The following WIPF2 variants were observed in gnomAD, a reference collection of about 807,000 sequenced individuals.
WIPF2 encodes the protein WAS/WASL interacting protein family member 2, also known as WAS/WASL-interacting protein family member 2.
Under a neutral mutation model 38.8 loss-of-function variants are expected in WIPF2, and 23 were observed. The observed-to-expected ratio is 0.59, with a 90% CI of 0.43 to 0.84. The LOEUF (loss-of-function observed/expected upper bound fraction) is 0.84. Among genes scored for constraint, WIPF2 ranks in the 40% least tolerant of loss-of-function variants. WIPF2 has a pLI of 0.00. For synonymous variants in WIPF2, 210 were observed against 223.2 expected, an observed-to-expected ratio of 0.94 and a Z score of 0.53; for missense variants, 574 against 580.5, an observed-to-expected ratio of 0.99 and a Z score of 0.11.
intron 2 of WIPF2, among the ~76,000 whole-genome samples, chr17:40,259,376 A>G (rs369305695): frequency 2.0e-5 from 3 of 151,372 alleles, no homozygotes; most frequent in East Asian, 3.9e-4. Context: ...TGGAGCTTGC[A>G]GTGAGCCGAG....
intron 5 of WIPF2, among the ~76,000 whole-genome samples, chr17:40,273,099 T>G (rs930705894): frequency 1.3e-5 from 2 of 152,078 alleles, no homozygotes; most frequent in African/African-American, 4.8e-5. Context: ...AGTGGCACAA[T>G]CTGGGCTCAC....
At chr17:40,239,350 C>T (rs571505792) in intron 1 of WIPF2, among the ~76,000 whole-genome samples, 2 of 152,046 alleles carry the variant, frequency 1.3e-5, no homozygotes, top group African/African-American at 4.8e-5. Context: ...GGATTACAGG[C>T]GTGATCCACT....
rs2032535020 is a variant in WIPF2, at chr17:40,281,019, T to A, written c.*2794T>A. ...TGCATAGTTATCAGTCTATTTTGTATGTTGTAAAAAGCTTCTAATTTAGGT... is the reference window on the plus strand; with the variant it reads ...TGCATAGTTATCAGTCTATTTTGTAAGTTGTAAAAAGCTTCTAATTTAGGT... On this transcript the variant is annotated 3_prime_UTR_variant, in exon 8 of 8. Coordinates refer to ENST00000323571, the MANE Select transcript of WIPF2 (RefSeq NM_133264.5). The A allele has an allele frequency of 6.6e-6, 1 of 152,664 alleles. No individual in the cohort carries two copies. The highest frequency in any genetic ancestry group is 1.5e-5 in the Non-Finnish European group (1 of 68,048). The allele number at this position is 152,664 out of a possible 1,614,324, so 9.5% of individuals were successfully genotyped here.
In WIPF2 at chr17:40,271,796, A is replaced by G. The variant is rs1057382261; in HGVS notation, c.971-1994A>G. ...ATTTAATACACCGAAAATGCCTGGA[A>G]CATAATAGATACCCAATAAATGGTA... On this transcript the variant is annotated intron_variant, in intron 5 of 7. Coordinates refer to ENST00000323571, the MANE Select transcript of WIPF2 (RefSeq NM_133264.5). 1.3e-5 allele frequency among the ~76,000 whole-genome samples: 2 copies of G among 152,218 alleles called. 1 individual carries two copies. The highest frequency in any genetic ancestry group is 2.9e-5 in the Non-Finnish European group (2 of 68,042).
At position 40,260,556 on chromosome 17, in the gene WIPF2, C is replaced by G. The variant is rs1251863444; in HGVS notation, c.85C>G (p.Leu29Val). 6.2e-7 allele frequency: 1 copy of G among 1,613,846 alleles called. No homozygotes were observed. ...CCAGGCAAACACAGAGCAGCCCAAG[C>G]TGAGTAGAGATGAGCAGCGGGGTCG... ...FHQANTEQPKLSRDEQRGRGA... is the reference protein window; with the variant it reads ...FHQANTEQPKVSRDEQRGRGA... The change falls in exon 3 of 8, where the codon CTG becomes GTG. Residue 29 changes from leucine to valine, a missense_variant. By Grantham distance (32) the Leu-to-Val change is conservative. Coordinates refer to ENST00000323571, the MANE Select transcript of WIPF2 (RefSeq NM_133264.5).
At chr17:40,240,228 A>T (rs2031140048) in intron 1 of WIPF2, among the ~76,000 whole-genome samples, 1 of 151,652 alleles carries the variant, frequency 6.6e-6, no homozygotes, top group African/African-American at 2.4e-5. Flanking sequence ...ACAATCGGCT[A>T]ATTTTTTTGT....
intron 1 of WIPF2, among the ~76,000 whole-genome samples, chr17:40,224,216 T>TTTTTC (rs1555558603): frequency 4.7e-5 from 7 of 149,874 alleles, no homozygotes; most frequent in African/African-American, 1.5e-4. Context: ...GCTTATTTTT[T>TTTTTC]TTTTCTTTTC....
At chr17:40,260,863 T>A (rs1431294618) in intron 3 of WIPF2, 196 bp downstream of exon 3, 1 of 740,196 alleles carries the variant, frequency 1.4e-6, no homozygotes, top group African/African-American at 1.8e-5. Flanking sequence ...GGATTAAGGT[T>A]ACCATCTCAC....
Position 40,281,860 on chromosome 17 carries a change from A to G in WIPF2, c.*3635A>G, listed in dbSNP as rs1003360626. 10 of 152,536 alleles carry G rather than the reference A, an allele frequency of 6.6e-5. No individual in the cohort carries two copies. The highest frequency in any genetic ancestry group is 2.4e-4 in the African/African-American group (10 of 41,400). 9.4% of individuals were successfully genotyped at this position (152,536 alleles called of 1,614,324 possible). A position where few individuals can be genotyped will look rare whatever the true frequency, so the allele number is the denominator to read the frequency against. ...ATCTGAGGCCCTATGATGGCACTAC[A>G]TTGAGCTGTCTGCCCTTCCGGAAAC... On this transcript the variant is annotated 3_prime_UTR_variant, in exon 8 of 8. Coordinates refer to ENST00000323571, the MANE Select transcript of WIPF2 (RefSeq NM_133264.5).
chr17:40,221,676 A>G (rs201747462), intron 1 of WIPF2, among the ~76,000 whole-genome samples: 24,193 of 24,312 alleles, frequency 1, 12,037 homozygotes, highest in Middle Eastern at 1. Flanking sequence ...TGCCTGCCGG[A>G]TTCAAGCGCT....
In WIPF2 at chr17:40,231,650, C is replaced by G. The variant is rs534541505; in HGVS notation, c.-70+12158C>G. ...ATCTTGGCCAGGCTGGTCTTGAACT[C>G]CTGACCTTGTGATCCACCCGCCTTG... is the stretch of plus-strand genomic sequence containing the variant. On this transcript the variant is annotated intron_variant, in intron 1 of 7. Coordinates refer to ENST00000323571, the MANE Select transcript of WIPF2 (RefSeq NM_133264.5). Among the ~76,000 whole-genome samples the G allele has an allele frequency of 7.2e-5, 11 of 152,136 alleles. No individual in the cohort carries two copies. The East Asian group carries it at 1.9e-3, about 27-fold the overall frequency.
chr17:40,234,160 A>C (rs1383750990), intron 1 of WIPF2, among the ~76,000 whole-genome samples: 1 of 152,234 alleles, frequency 6.6e-6, no homozygotes, highest in African/African-American at 2.4e-5. Context: ...CAAGGTAAGG[A>C]GATTGAGACC....
chr17:40,237,806 C>T (rs1252392765), intron 1 of WIPF2, among the ~76,000 whole-genome samples: 1 of 148,010 alleles, frequency 6.8e-6, no homozygotes, highest in East Asian at 2.0e-4. Context: ...CCACCACGCC[C>T]AGCTAATTTT....
chr17:40,240,649 T>TA (rs912567293), intron 1 of WIPF2, among the ~76,000 whole-genome samples: 5 of 151,056 alleles, frequency 3.3e-5, no homozygotes, highest in Admixed American at 6.6e-5. Context: ...TATGTCTTTA[T>TA]AAAAAAAAAT....
chr17:40,225,565 T>A (rs919851809), intron 1 of WIPF2, among the ~76,000 whole-genome samples: 10 of 152,186 alleles, frequency 6.6e-5, no homozygotes, highest in Non-Finnish European at 1.5e-4. Context: ...TATCCAACAA[T>A]GTGTTCTACT....
At chr17:40,262,365 G>A (rs945252458) in intron 3 of WIPF2, among the ~76,000 whole-genome samples, 160 bp from the exon 4 acceptor site, 5 of 152,164 alleles carry the variant, frequency 3.3e-5, no homozygotes, top group Admixed American at 6.5e-5. Context: ...TTAGCAGCAT[G>A]AGCCACTGTA....
At chr17:40,254,674 C>T (rs2031664388) in intron 1 of WIPF2, among the ~76,000 whole-genome samples, 1 of 152,000 alleles carries the variant, frequency 6.6e-6, no homozygotes, top group Non-Finnish European at 1.5e-5. Flanking sequence ...TAAACTGTGG[C>T]CCATAAGTCA....
intron 1 of WIPF2, among the ~76,000 whole-genome samples, chr17:40,249,998 A>T (rs1280764919): frequency 6.6e-6 from 1 of 150,472 alleles, no homozygotes; most frequent in Admixed American, 6.7e-5. Context: ...ATGCCTGGCT[A>T]ATTTTTTGTA....
chr17:40,283,158 A>T lies in WIPF2; in HGVS notation c.*4933A>T, dbSNP rs2032588893. On this transcript the variant is annotated 3_prime_UTR_variant, in exon 8 of 8. Transcript: ENST00000323571. ...CTGAGATCATGCCACTGCACTAAAA[A>T]AAAAAAAAAAAAAAAAAAAAAAAAA... The T allele has an allele frequency of 8.1e-6, 1 of 123,234 alleles. No homozygotes were observed. The highest frequency in any genetic ancestry group is 3.5e-5 in the African/African-American group (1 of 28,728). 7.6% of individuals were successfully genotyped at this position (123,234 alleles called of 1,614,324 possible). A position where few individuals can be genotyped will look rare whatever the true frequency, so the allele number is the denominator to read the frequency against.
Sources: allele counts gnomAD v4.1 joint callset (sites outside exome capture counted in the v4.1 genomes callset), GRCh38; gene constraint gnomAD v4.1.1; transcripts MANE v1.5; gene names NCBI Gene and HGNC (gene_info 2026-07-23, HGNC 2026-07-21).